The following NMNAT3 variants were observed in gnomAD, a reference collection of about 807,000 sequenced individuals.
NMNAT3 encodes nicotinamide nucleotide adenylyltransferase 3, also known as nicotinamide/nicotinic acid mononucleotide adenylyltransferase 3.
A neutral mutation model predicts 24.8 loss-of-function variants in NMNAT3; 21 were observed. The observed-to-expected ratio is 0.85, with a 90% CI of 0.60 to 1.22. NMNAT3 has a LOEUF of 1.22. Ranked by LOEUF, NMNAT3 falls within the 50% of genes most tolerant of loss-of-function variation. The pLI is 0.00. For missense variants in NMNAT3, 387 were observed against 436.6 expected (o/e 0.89, Z 1.01); for synonymous variants, 136 against 155.2 (o/e 0.88, Z 0.92).
chr3:139,625,729 T>C (rs1480530294), intron 3 of NMNAT3, among the ~76,000 whole-genome samples: 1 of 152,202 alleles, frequency 6.6e-6, no homozygotes, highest in Non-Finnish European at 1.5e-5. Context: ...CCTATGTTGT[T>C]ACCATTTCCA....
At chr3:139,592,154 G>C (rs184714149) in intron 3 of NMNAT3, among the ~76,000 whole-genome samples, 2,471 of 152,264 alleles carry the variant, frequency 0.016, 72 homozygotes, top group African/African-American at 0.056. Flanking sequence ...ACCAAGGCTC[G>C]AGAACTATGT....
At chr3:139,596,945 TATATATATATATATATATA>T (rs1559891038) in intron 3 of NMNAT3, among the ~76,000 whole-genome samples, 163 of 129,772 alleles carry the variant, frequency 1.3e-3, no homozygotes, top group Non-Finnish European at 2.0e-3. Context: ...TATATATATA[TATATATATATATATATATA>T]TTTTTATTAC....
intron 6 of NMNAT3, among the ~76,000 whole-genome samples, chr3:139,573,394 C>A (rs1025963762): frequency 1.3e-5 from 2 of 152,160 alleles, no homozygotes; most frequent in East Asian, 1.9e-4. Flanking sequence ...ATTAGCAGAG[C>A]AATTTACAGG....
At chr3:139,602,462 T>G (rs966796630) in intron 3 of NMNAT3, among the ~76,000 whole-genome samples, 4 of 152,236 alleles carry the variant, frequency 2.6e-5, no homozygotes, top group Non-Finnish European at 4.4e-5. Context: ...AATATATTAA[T>G]GTCAGTTCCT....
chr3:139,611,563 C>A (rs368316316), intron 3 of NMNAT3, among the ~76,000 whole-genome samples: 19 of 152,206 alleles, frequency 1.2e-4, no homozygotes, highest in African/African-American at 4.6e-4. Flanking sequence ...GGGGAGCATG[C>A]GCCCTCTGAA....
chr3:139,665,733 AG>A (rs2057557964), intron 1 of NMNAT3, among the ~76,000 whole-genome samples: 1 of 91,612 alleles, frequency 1.1e-5, no homozygotes, highest in South Asian at 5.1e-4. Flanking sequence ...CAGGAGAGAG[AG>A]AGAGAGAGAG....
rs185969052 is a variant in NMNAT3 at position 139,675,260 on chromosome 3, G to A, written c.-141+2445C>T. Among the ~76,000 whole-genome samples the A allele has an allele frequency of 2.6e-5, 4 of 152,172 alleles. No homozygotes were observed. The East Asian group carries it at 7.7e-4, about 29-fold the overall frequency. ...TTTTTGGCCTGGTACTCTGCTGGGT[G>A]AGAAGTTTGCAAAATTAGACTCCAT... On this transcript the variant is annotated intron_variant, in intron 1 of 6. Transcript: ENST00000643695.
rs1204488295 is a variant in NMNAT3 at position 139,638,046 on chromosome 3, T to C, written c.-124A>G. ...CAGCAGTCCGCTTCATGGCAGGATC[T>C]AGGCTGAAGCAGGTAGCTGTGGAAG... On this transcript the variant is annotated 5_prime_UTR_variant, in exon 2 of 7. Transcript: ENST00000643695. The C allele has an allele frequency of 6.6e-6, 1 of 152,172 alleles. No homozygotes were observed. Among genetic ancestry groups the C allele is most frequent in the African/African-American group, 2.4e-5 (1 of 41,436 alleles). The allele number at this position is 152,172 out of a possible 1,614,324, so 9.4% of individuals were successfully genotyped here. A position where few individuals can be genotyped will look rare whatever the true frequency, so the allele number is the denominator to read the frequency against.
chr3:139,661,062 C>A (rs973515016), intron 1 of NMNAT3, among the ~76,000 whole-genome samples: 1 of 152,164 alleles, frequency 6.6e-6, no homozygotes, highest in African/African-American at 2.4e-5. Flanking sequence ...ACCCACCCAG[C>A]TGTTTGTGGA....
intron 3 of NMNAT3, among the ~76,000 whole-genome samples, chr3:139,617,292 C>T (rs1404513279): frequency 6.6e-6 from 1 of 152,150 alleles, no homozygotes. Flanking sequence ...ATCCTTGCAT[C>T]GAGTACAACA....
chr3:139,565,080 T>G (rs1010023014), intron 6 of NMNAT3, among the ~76,000 whole-genome samples: 3 of 152,326 alleles, frequency 2.0e-5, no homozygotes, highest in Non-Finnish European at 4.4e-5. Flanking sequence ...TCATAAGTGT[T>G]TCTCCACATC....
intron 6 of NMNAT3, chr3:139,572,122 G>C: frequency 2.5e-6 from 1 of 398,834 alleles, no homozygotes; most frequent in Non-Finnish European, 4.4e-6. Flanking sequence ...TTCATACCCT[G>C]TCTCCAGCTT....
intron 2 of NMNAT3, among the ~76,000 whole-genome samples, chr3:139,633,092 C>T (rs1008337963): frequency 5.3e-5 from 8 of 152,136 alleles, no homozygotes; most frequent in Admixed American, 5.2e-4. Flanking sequence ...AAATGACTGT[C>T]CCCAGGACCT....
chr3:139,624,375 A>T (rs1422778680), intron 3 of NMNAT3, among the ~76,000 whole-genome samples: 3 of 150,406 alleles, frequency 2.0e-5, no homozygotes, highest in Non-Finnish European at 4.4e-5. Flanking sequence ...TCTTTCTGTT[A>T]TTGATTTCTA....
intron 1 of NMNAT3, among the ~76,000 whole-genome samples, chr3:139,647,748 A>G (rs1250418032): frequency 6.6e-6 from 1 of 152,198 alleles, no homozygotes. Flanking sequence ...TCTGAACTGA[A>G]TGCAGCCCTG....
chr3:139,599,546 A>G lies in NMNAT3; in HGVS notation c.110-16338T>C, dbSNP rs901294367. 2.4e-5 allele frequency: 15 copies of G among 613,580 alleles called. No individual in the cohort carries two copies. The South Asian group carries it at 2.8e-4, about 12-fold the overall frequency. The allele number at this position is 613,580 out of a possible 1,614,324, so 38.0% of individuals were successfully genotyped here. A position where few individuals can be genotyped will look rare whatever the true frequency, so the allele number is the denominator to read the frequency against. On this transcript the variant is annotated intron_variant, in intron 3 of 6. Transcript: ENST00000643695. ...GAAGCTTGGGGTAATGTAGCATGTT[A>G]AGAAAAAACATAAAAAAGACCAGAA...
chr3:139,666,896 G>A (rs555470759), intron 1 of NMNAT3, among the ~76,000 whole-genome samples: 2 of 152,264 alleles, frequency 1.3e-5, no homozygotes, highest in East Asian at 3.9e-4. Flanking sequence ...TTCCATCCAT[G>A]TTGCTGCAAA....
intron 3 of NMNAT3, among the ~76,000 whole-genome samples, chr3:139,594,940 T>C (rs2054377428): frequency 6.6e-6 from 1 of 152,104 alleles, no homozygotes; most frequent in Non-Finnish European, 1.5e-5. Flanking sequence ...CTATTCAACA[T>C]AGTGTTGGAA....
chr3:139,655,038 A>G (rs976512096), intron 1 of NMNAT3, among the ~76,000 whole-genome samples: 1 of 152,200 alleles, frequency 6.6e-6, no homozygotes, highest in African/African-American at 2.4e-5. Context: ...GGGGGATGCT[A>G]AGAAGAAGTA....
Sources: allele counts gnomAD v4.1 joint callset (sites outside exome capture counted in the v4.1 genomes callset), GRCh38; gene constraint gnomAD v4.1.1; transcripts MANE v1.5; gene names NCBI Gene and HGNC (gene_info 2026-07-23, HGNC 2026-07-21).